PILRA: variants seen among roughly 807,000 people sequenced by gnomAD.
PILRA encodes paired immunoglobulin-like type 2 receptor alpha.
PILRA carries 37 observed loss-of-function variants against 33.1 expected under a neutral mutation model. The observed-to-expected ratio is 1.12, with a 90% confidence interval of 0.86 to 1.47. PILRA has a LOEUF of 1.47. Among genes scored for constraint, PILRA ranks in the 40% most tolerant of loss-of-function variants. The probability of loss-of-function intolerance (pLI) is 0.00; values close to 1 mark genes in which losing one functional copy is unlikely to be tolerated. For missense variants in PILRA, 312 were observed against 376.2 expected (o/e 0.83, Z 1.41); for synonymous variants, 146 against 149.9 (o/e 0.97, Z 0.19).
In PILRA at chr7:100,397,781, C is replaced by CT. The variant is rs1791530375; in HGVS notation, c.674-97dup. Reference sequence around the variant, plus strand: ...TGGAGCAGCTCTGCTGCTCCGGTCCCTCTAAGGAGGGCCTCAGCCTAGGGC... The same window carrying CT: ...TGGAGCAGCTCTGCTGCTCCGGTCCCTTCTAAGGAGGGCCTCAGCCTAGGGC... On this transcript the variant is annotated intron_variant, in intron 3 of 6. Transcript: ENST00000198536. 2.3e-6 allele frequency: 3 copies of CT among 1,311,702 alleles called. No individual in the cohort carries two copies. In the Admixed American group the frequency reaches 5.1e-5, roughly 22 times the overall value. 81.3% of individuals were successfully genotyped at this position (1,311,702 alleles called of 1,614,324 possible).
chr7:100,382,913 G>T (rs776961092), intron 2 of PILRA, among the ~76,000 whole-genome samples: 48 of 152,182 alleles, frequency 3.2e-4, no homozygotes, highest in Non-Finnish European at 5.7e-4. Context: ...CCGCCTTTAA[G>T]AATTGTTAAC....
At chr7:100,395,465 T>G (rs1791475075) in intron 3 of PILRA, among the ~76,000 whole-genome samples, 1 of 152,202 alleles carries the variant, frequency 6.6e-6, no homozygotes, top group Admixed American at 6.5e-5. Flanking sequence ...TGAGAAATAA[T>G]TTTTGCTTTG....
chr7:100,385,325 G>A (rs1243359830), intron 2 of PILRA, among the ~76,000 whole-genome samples: 1 of 152,114 alleles, frequency 6.6e-6, no homozygotes, highest in Non-Finnish European at 1.5e-5. Flanking sequence ...TGATGCGATT[G>A]TATCTTGTAC....
chr7:100,372,124 T>C (rs559296476), upstream of PILRA, among the ~76,000 whole-genome samples: 15 of 152,288 alleles, frequency 9.8e-5, no homozygotes, highest in African/African-American at 3.6e-4. Flanking sequence ...AGCCCATCTT[T>C]CCAGCTGTGA....
rs562214735 is a variant in PILRA, at chr7:100,394,026, T to C, written c.674-3853T>C. Among the ~76,000 whole-genome samples the C allele has an allele frequency of 1.3e-3, 200 of 152,206 alleles. 1 individual carries two copies. The highest frequency in any genetic ancestry group is 4.7e-3 in the African/African-American group (196 of 41,518). ...GTAGGGGGAACCCTCCCACTCCAAA[T>C]ACAATCAATTTTCTGTAACTAAGAA... is the stretch of plus-strand genomic sequence containing the variant. On this transcript the variant is annotated intron_variant, in intron 3 of 6. Coordinates refer to ENST00000198536, the MANE Select transcript of PILRA (RefSeq NM_013439.3).
intron 2 of PILRA, among the ~76,000 whole-genome samples, chr7:100,377,252 TTTTTTTG>T (rs1790974438): frequency 8.1e-6 from 1 of 122,738 alleles, no homozygotes; most frequent in Non-Finnish European, 1.8e-5. Flanking sequence ...TTTTTTTTTT[TTTTTTTG>T]AGATGGAGTC....
chr7:100,395,530 G>GT (rs976181672), intron 3 of PILRA, among the ~76,000 whole-genome samples: 10 of 152,150 alleles, frequency 6.6e-5, no homozygotes, highest in South Asian at 4.1e-4. Flanking sequence ...AAACAAATTT[G>GT]TTTTTTTATA....
rs1227564817 is a variant in PILRA, at chr7:100,373,630, C to T, written c.-27C>T. On this transcript the variant is annotated 5_prime_UTR_variant, in exon 1 of 7. Transcript: ENST00000198536. ...CCTGCCTGGACGGCTCTGCTGGTCT[C>T]CCCGTCCCCTGGAGAAGAACAAGGC... 1.2e-6 allele frequency: 2 copies of T among 1,613,174 alleles called. No homozygotes were observed. The highest frequency in any genetic ancestry group is 1.1e-5 in the South Asian group (1 of 91,072).
chr7:100,399,412 T>C, intron 5 of PILRA, 72 bp downstream of exon 5: 2 of 1,422,748 alleles, frequency 1.4e-6, no homozygotes, highest in Non-Finnish European at 2.0e-6. Context: ...ACCCCCTACC[T>C]GGGTCCGTGC....
chr7:100,394,128 G>A (rs1190697490), intron 3 of PILRA, among the ~76,000 whole-genome samples: 2 of 152,208 alleles, frequency 1.3e-5, no homozygotes, highest in Non-Finnish European at 2.9e-5. Context: ...TGCCAGCTAA[G>A]TGTGGCAGAA....
chr7:100,380,160 G>A (rs1791056246), intron 2 of PILRA, among the ~76,000 whole-genome samples: 1 of 152,196 alleles, frequency 6.6e-6, no homozygotes, highest in Non-Finnish European at 1.5e-5. Context: ...TAACTGGCAA[G>A]GCGACTGGGG....
At chr7:100,376,765 T>A (rs904425230) in intron 2 of PILRA, among the ~76,000 whole-genome samples, 1 of 130,884 alleles carries the variant, frequency 7.6e-6, no homozygotes, top group South Asian at 2.7e-4. Context: ...CTCTGCCTTT[T>A]TTTTTTTTTT....
chr7:100,373,353 C>T (rs1790860962), upstream of PILRA: 5 of 550,282 alleles, frequency 9.1e-6, no homozygotes, highest in East Asian at 1.5e-4. Flanking sequence ...CCCAGCCCCC[C>T]AAGGTCAGGC....
At chr7:100,399,761 C>A in intron 6 of PILRA, 24 bp from the exon 7 acceptor site, 3 of 1,610,748 alleles carry the variant, frequency 1.9e-6, no homozygotes, top group Non-Finnish European at 1.7e-6. Context: ...CTGTCTAACC[C>A]TTTCTCTCTG....
intron 2 of PILRA, among the ~76,000 whole-genome samples, chr7:100,382,529 G>C (rs919669840): frequency 6.6e-6 from 1 of 152,152 alleles, no homozygotes. Flanking sequence ...GATTGTAAAT[G>C]CAACAATCAG....
upstream of PILRA, among the ~76,000 whole-genome samples, chr7:100,372,853 C>T (rs796521438): frequency 2.0e-5 from 3 of 151,820 alleles, no homozygotes; most frequent in Admixed American, 6.6e-5. Flanking sequence ...TTCTCAGAGC[C>T]CTGTCCCCTC....
chr7:100,393,456 G>A (rs1479209154), intron 3 of PILRA, among the ~76,000 whole-genome samples: 6 of 152,212 alleles, frequency 3.9e-5, no homozygotes, highest in South Asian at 2.1e-4. Flanking sequence ...GCTCAGATAC[G>A]AAACTGTAAA....
intron 2 of PILRA, among the ~76,000 whole-genome samples, chr7:100,382,632 G>A (rs534043659): frequency 6.6e-6 from 1 of 152,354 alleles, no homozygotes; most frequent in East Asian, 1.9e-4. Context: ...GGTGGTGCCA[G>A]GTAAGGGAAT....
At chr7:100,378,818 C>T (rs536757199) in intron 2 of PILRA, among the ~76,000 whole-genome samples, 3 of 152,074 alleles carry the variant, frequency 2.0e-5, no homozygotes, top group African/African-American at 7.2e-5. Flanking sequence ...GGCAGCCAGG[C>T]GTGGTGGCTC....
Sources: gnomAD v4.1 joint callset for allele counts (sites outside exome capture counted in the v4.1 genomes callset) on GRCh38, gnomAD v4.1.1 for gene constraint, MANE v1.5 for transcripts, NCBI Gene and HGNC (gene_info 2026-07-23, HGNC 2026-07-21) for gene names.